BLOC1S5: variants seen among roughly 807,000 people sequenced by gnomAD.
BLOC1S5 encodes the protein biogenesis of lysosomal organelles complex 1 subunit 5, also known as biogenesis of lysosome-related organelles complex 1 subunit 5.
A neutral mutation model predicts 24.3 loss-of-function variants in BLOC1S5; 27 were observed. The ratio of observed to expected loss-of-function variants is 1.11; its 90% CI spans 0.82 to 1.53. BLOC1S5 has a LOEUF of 1.53. Ranked by LOEUF, BLOC1S5 falls within the 40% of genes most tolerant of loss-of-function variation. BLOC1S5 has a pLI of 0.00. For synonymous variants in BLOC1S5, 84 were observed against 74.5 expected (o/e 1.13, Z -0.66); for missense variants, 239 against 229.4 (o/e 1.04, Z -0.27).
chr6:8,061,925 T>C (rs1764527779), intron 2 of BLOC1S5, among the ~76,000 whole-genome samples: 1 of 152,248 alleles, frequency 6.6e-6, no homozygotes, highest in South Asian at 2.1e-4. Flanking sequence ...AGAACAATGC[T>C]TGGACTTTAT....
intron 3 of BLOC1S5, among the ~76,000 whole-genome samples, chr6:8,026,993 G>C (rs537262621): frequency 6.6e-6 from 1 of 152,322 alleles, no homozygotes; most frequent in African/African-American, 2.4e-5. Context: ...GAGGTACAGA[G>C]AGGTGACGCT....
At position 8,041,135 on chromosome 6, in the gene BLOC1S5, T is replaced by C; in HGVS notation, c.325+4A>G. 1 of 1,570,464 alleles carries C rather than the reference T, an allele frequency of 6.4e-7. No individual in the cohort carries two copies. Among genetic ancestry groups the C allele is most frequent in the African/African-American group, 1.4e-5 (1 of 72,678 alleles). On this transcript the variant is annotated splice_donor_region_variant and intron_variant, in intron 3 of 4. Transcript: ENST00000397457. The stretch of plus-strand genomic sequence containing the variant: ...AAGCAATTAAAAAAGAATTGCTGAC[T>C]CACATCTCTGGAGAACCTGGCTGAG...
At position 8,041,288 on chromosome 6, in the gene BLOC1S5, GA is replaced by G; in HGVS notation, c.196-21del. The G allele has an allele frequency of 7.3e-7, 1 of 1,374,220 alleles. No individual in the cohort carries two copies. Among genetic ancestry groups the G allele is most frequent in the Non-Finnish European group, 1.0e-6 (1 of 993,276 alleles). 85.1% of individuals were successfully genotyped at this position (1,374,220 alleles called of 1,614,324 possible). A position where few individuals can be genotyped will look rare whatever the true frequency, so the allele number is the denominator to read the frequency against. ...TTTTTCCTATTAAAAGAAAGTAGAT[GA>G]CTAATAAATATGGTGTCTTTTCCTT... is the stretch of plus-strand genomic sequence containing the variant. On this transcript the variant is annotated intron_variant, in intron 2 of 4. Transcript: ENST00000397457.
intron 4 of BLOC1S5, among the ~76,000 whole-genome samples, chr6:8,021,198 T>C (rs796295505): frequency 4.1e-4 from 63 of 152,216 alleles, no homozygotes; most frequent in African/African-American, 1.5e-3. Flanking sequence ...CCTAGAGCAG[T>C]CAAATTCATA....
At chr6:8,040,048 C>T (rs1763625238) in intron 3 of BLOC1S5, among the ~76,000 whole-genome samples, 1 of 152,218 alleles carries the variant, frequency 6.6e-6, no homozygotes, top group Admixed American at 6.5e-5. Flanking sequence ...TTGTAGGAGG[C>T]AATCCAAGAA....
chr6:8,040,317 T>G (rs956913503), intron 3 of BLOC1S5, among the ~76,000 whole-genome samples: 3 of 152,174 alleles, frequency 2.0e-5, no homozygotes, highest in African/African-American at 7.2e-5. Context: ...AGGTGAAAAT[T>G]CTAACTAGTA....
intron 2 of BLOC1S5, among the ~76,000 whole-genome samples, chr6:8,052,428 G>A (rs1764145865): frequency 1.3e-5 from 2 of 152,186 alleles, no homozygotes; most frequent in African/African-American, 4.8e-5. Context: ...CACCATTCTA[G>A]ATGCCATTAA....
chr6:8,042,149 G>T (rs1255605807), intron 2 of BLOC1S5, among the ~76,000 whole-genome samples: 1 of 152,072 alleles, frequency 6.6e-6, no homozygotes, highest in East Asian at 1.9e-4. Context: ...ATTGGCAAGA[G>T]AAATACTAAA....
intron 2 of BLOC1S5, among the ~76,000 whole-genome samples, chr6:8,044,890 AG>A (rs1342442308): frequency 6.6e-6 from 1 of 152,236 alleles, no homozygotes; most frequent in Non-Finnish European, 1.5e-5. Context: ...GGAGCATAAA[AG>A]TTTGGAAAAT....
chr6:8,055,462 T>A (rs1349629617), intron 2 of BLOC1S5, among the ~76,000 whole-genome samples: 6 of 152,134 alleles, frequency 3.9e-5, no homozygotes. Flanking sequence ...AATACTAGGT[T>A]ATAGTTCTAT....
intron 2 of BLOC1S5, among the ~76,000 whole-genome samples, chr6:8,049,518 C>T (rs574311744): frequency 1.3e-5 from 2 of 152,062 alleles, no homozygotes; most frequent in East Asian, 1.9e-4. Flanking sequence ...TTATGTAAAA[C>T]ATTTATATGG....
At chr6:8,024,891 C>G (rs1462377536) in intron 4 of BLOC1S5, among the ~76,000 whole-genome samples, 1 of 152,174 alleles carries the variant, frequency 6.6e-6, no homozygotes, top group Non-Finnish European at 1.5e-5. Flanking sequence ...AAGGATTTGT[C>G]CAAGGGCTTA....
intron 2 of BLOC1S5, among the ~76,000 whole-genome samples, chr6:8,048,206 C>G (rs960518411): frequency 6.6e-6 from 1 of 152,190 alleles, no homozygotes; most frequent in Non-Finnish European, 1.5e-5. Context: ...CTCTGGAATG[C>G]TTCAGACAAA....
chr6:8,064,284 T>A lies in BLOC1S5; in HGVS notation c.93A>T (p.Ser31=). 1 of 1,613,802 alleles carries A rather than the reference T, an allele frequency of 6.2e-7. No homozygotes were observed. Among genetic ancestry groups the A allele is most frequent in the East Asian group, 2.2e-5 (1 of 44,860 alleles). Residue 31 remains serine (S), a synonymous_variant, in exon 1 of 5, where the codon TCA becomes TCT. Transcript: ENST00000397457. Reference sequence around the variant, plus strand: ...CCGTACCCTTGATAATGAGGTGCGCTGAGCCCGCAGTCCCCAGGGAGTCCC... The same window carrying A: ...CCGTACCCTTGATAATGAGGTGCGCAGAGCCCGCAGTCCCCAGGGAGTCCC... ...KKRDSLGTAG[S]AHLIIKDLGE... is the part of the protein sequence containing the mutation.
At chr6:8,027,990 C>T (rs1388920825) in intron 3 of BLOC1S5, among the ~76,000 whole-genome samples, 2 of 152,186 alleles carry the variant, frequency 1.3e-5, no homozygotes, top group Admixed American at 1.3e-4. Context: ...CAAAGCCCTC[C>T]TGATTAGTCC....
chr6:8,029,472 T>C (rs796379126), intron 3 of BLOC1S5, among the ~76,000 whole-genome samples: 2 of 152,122 alleles, frequency 1.3e-5, no homozygotes, highest in African/African-American at 4.8e-5. Context: ...AGGAGAAGTG[T>C]CCCTGCCTTA....
At position 8,057,569 on chromosome 6, in the gene BLOC1S5, T is replaced by C. The variant is rs190899734; in HGVS notation, c.195+4965A>G. Among the ~76,000 whole-genome samples, 28 of 152,292 alleles carry C rather than the reference T, an allele frequency of 1.8e-4. No homozygotes were observed. The East Asian group carries it at 3.7e-3, about 20-fold the overall frequency. On this transcript the variant is annotated intron_variant, in intron 2 of 4. Coordinates refer to ENST00000397457, the MANE Select transcript of BLOC1S5 (RefSeq NM_201280.3). ...CTTTCAGTCACCAGATTTAAAACCA[T>C]ACGGTGTCTACACATACTTCTCATG...
At chr6:8,053,295 T>G (rs1185523962) in intron 2 of BLOC1S5, among the ~76,000 whole-genome samples, 1 of 152,222 alleles carries the variant, frequency 6.6e-6, no homozygotes. Flanking sequence ...AGCAGCATTT[T>G]ATGCTACAGA....
At chr6:8,016,522 A>C (rs1212352660) in intron 4 of BLOC1S5, among the ~76,000 whole-genome samples, 1 of 152,182 alleles carries the variant, frequency 6.6e-6, no homozygotes, top group Non-Finnish European at 1.5e-5. Context: ...AAATATTTTT[A>C]AGTGCATTAG....
Sources: allele counts gnomAD v4.1 joint callset (sites outside exome capture counted in the v4.1 genomes callset), GRCh38; gene constraint gnomAD v4.1.1; transcripts MANE v1.5; gene names NCBI Gene and HGNC (gene_info 2026-07-23, HGNC 2026-07-21).